Variants in RPTOR observed in about 807,000 individuals in gnomAD.
RPTOR encodes the protein regulatory associated protein of MTOR complex 1, also known as regulatory-associated protein of mTOR.
RPTOR carries 21 observed loss-of-function variants against 169.9 expected under a neutral mutation model. The observed-to-expected ratio is 0.12, with a 90% CI of 0.09 to 0.18. The LOEUF (loss-of-function observed/expected upper bound fraction) is 0.18, where lower values mean the gene tolerates loss of function less well. Ranked by LOEUF, RPTOR falls within the 10% of genes least tolerant of loss-of-function variation. The pLI is 1.00. For synonymous variants in RPTOR, 732 were observed against 753.2 expected, an observed-to-expected ratio of 0.97 and a Z score of 0.46; for missense variants, 1,133 against 1,855.9, an observed-to-expected ratio of 0.61 and a Z score of 7.16.
chr17:80,727,011 A>G (rs2066341250), intron 4 of RPTOR, among the ~76,000 whole-genome samples: 1 of 152,104 alleles, frequency 6.6e-6, no homozygotes, highest in African/African-American at 2.4e-5. Context: ...AAGCGTGCTC[A>G]AGTGCACCTC....
rs182224146 is a variant in RPTOR at position 80,639,884 on chromosome 17, A to C, written c.266-3844A>C. On this transcript the variant is annotated intron_variant, in intron 2 of 33. Coordinates refer to ENST00000306801, the MANE Select transcript of RPTOR (RefSeq NM_020761.3). ...AGAAGATGGAGAGGTTTAAAAAGAA[A>C]AAGCTGCACCCCTTCAGGTTGGCTG... 1.6e-3 allele frequency among the ~76,000 whole-genome samples: 248 copies of C among 152,332 alleles called. 2 individuals carry two copies. The highest frequency in any genetic ancestry group is 5.8e-3 in the African/African-American group (241 of 41,564).
intron 1 of RPTOR, among the ~76,000 whole-genome samples, chr17:80,621,177 G>C (rs914437379): frequency 3.3e-5 from 5 of 152,162 alleles, no homozygotes; most frequent in African/African-American, 1.2e-4. Context: ...GGTGAGTCAG[G>C]AAGACCACAC....
intron 20 of RPTOR, among the ~76,000 whole-genome samples, chr17:80,903,241 C>G (rs531363521): frequency 1.3e-5 from 2 of 152,370 alleles, no homozygotes; most frequent in East Asian, 3.9e-4. Context: ...GAGCCAGAAG[C>G]CCCGCAGGCC....
At chr17:80,816,851 C>T (rs1386201198) in intron 7 of RPTOR, among the ~76,000 whole-genome samples, 1 of 152,198 alleles carries the variant, frequency 6.6e-6, no homozygotes, top group Non-Finnish European at 1.5e-5. Flanking sequence ...CATAAGGCCC[C>T]AGCGGCCACT....
At chr17:80,805,097 CA>C (rs754953562) in intron 7 of RPTOR, 3 of 151,772 alleles carry the variant, frequency 2.0e-5, no homozygotes, top group African/African-American at 4.9e-5. Flanking sequence ...CAGGAAGACA[CA>C]ATTTACAACC....
chr17:80,550,081 A>G (rs1403344066), intron 1 of RPTOR, among the ~76,000 whole-genome samples: 1 of 152,066 alleles, frequency 6.6e-6, no homozygotes, highest in African/African-American at 2.4e-5. Flanking sequence ...CGGTCTTTTC[A>G]GCAAGGGTAA....
intron 1 of RPTOR, among the ~76,000 whole-genome samples, chr17:80,617,402 C>G (rs2065319915): frequency 6.6e-6 from 1 of 152,212 alleles, no homozygotes; most frequent in African/African-American, 2.4e-5. Context: ...AGTTCACCAA[C>G]AGTTGCAATC....
intron 13 of RPTOR, among the ~76,000 whole-genome samples, chr17:80,859,971 T>A (rs973848271): frequency 6.6e-6 from 1 of 151,936 alleles, no homozygotes; most frequent in Admixed American, 6.5e-5. Context: ...CACAGGGAAA[T>A]GGAAGGTCTA....
At chr17:80,700,624 G>GACGGTGATGGTAGAGATGATAGTGATA (rs2066082971) in intron 3 of RPTOR, among the ~76,000 whole-genome samples, 1 of 149,980 alleles carries the variant, frequency 6.7e-6, no homozygotes, top group East Asian at 2.0e-4. Flanking sequence ...TGGTGGTGGT[G>GACGGTGATGGTAGAGATGATAGTGATA]GTGGCGGCGA....
At chr17:80,605,100 G>T (rs946821170) in intron 1 of RPTOR, among the ~76,000 whole-genome samples, 1 of 152,170 alleles carries the variant, frequency 6.6e-6, no homozygotes, top group African/African-American at 2.4e-5. Flanking sequence ...GGCCAAGACG[G>T]TTAAGACGAT....
In RPTOR at chr17:80,947,358, G is replaced by A. The variant is rs970330268; in HGVS notation, c.3265+7G>A. On this transcript the variant is annotated splice_region_variant and intron_variant, in intron 27 of 33. Transcript: ENST00000306801. The surrounding 1 kb of genome is among the most constrained non-coding windows in gnomAD (Gnocchi z 4.4). ...CTTCTGCTGACGGCCACAGGTGAGCGGGGTTTGCACAGCCAGGATTGGAAG... is the reference window on the plus strand; with the variant it reads ...CTTCTGCTGACGGCCACAGGTGAGCAGGGTTTGCACAGCCAGGATTGGAAG... The A allele has an allele frequency of 9.6e-6, 15 of 1,557,034 alleles. No individual in the cohort carries two copies. The highest frequency in any genetic ancestry group is 7.2e-5 in the East Asian group (3 of 41,728).
intron 20 of RPTOR, among the ~76,000 whole-genome samples, chr17:80,902,371 T>TGGCCCCTGGCCC (rs1190632554): frequency 6.6e-6 from 1 of 152,236 alleles, no homozygotes; most frequent in African/African-American, 2.4e-5. Flanking sequence ...CACCCCTGGC[T>TGGCCCCTGGCCC]GGCCCCTGGC....
chr17:80,838,512 C>T (rs1182760898), intron 10 of RPTOR, among the ~76,000 whole-genome samples: 1 of 152,234 alleles, frequency 6.6e-6, no homozygotes, highest in East Asian at 1.9e-4. Flanking sequence ...TTCGCGGCAG[C>T]TCCCTAGGAC....
intron 28 of RPTOR, among the ~76,000 whole-genome samples, chr17:80,954,202 A>T (rs1598423191): frequency 6.6e-6 from 1 of 151,112 alleles, no homozygotes; most frequent in Admixed American, 6.6e-5. Context: ...GCTCACTGCA[A>T]CCTCCACCTC....
intron 21 of RPTOR, among the ~76,000 whole-genome samples, chr17:80,917,116 A>ATTTT (rs35518986): frequency 5.5e-5 from 8 of 144,856 alleles, no homozygotes; most frequent in African/African-American, 2.0e-4. Flanking sequence ...GATAGGTTTC[A>ATTTT]TTTTTTTTTT....
chr17:80,716,477 C>T (rs2066240434), intron 4 of RPTOR, among the ~76,000 whole-genome samples: 1 of 151,852 alleles, frequency 6.6e-6, no homozygotes, highest in Non-Finnish European at 1.5e-5. Context: ...AGTCTTTTGT[C>T]AGTTGTGTAG....
intron 1 of RPTOR, among the ~76,000 whole-genome samples, chr17:80,610,977 C>T (rs1397111171): frequency 2.0e-5 from 3 of 152,162 alleles, no homozygotes; most frequent in Admixed American, 2.0e-4. Context: ...CTTGTCCTTT[C>T]TTGGAAAGTA....
At chr17:80,813,476 G>A (rs114179685) in intron 7 of RPTOR, among the ~76,000 whole-genome samples, 4,789 of 152,280 alleles carry the variant, frequency 0.031, 273 homozygotes, top group African/African-American at 0.11. Flanking sequence ...CGTTCATTGA[G>A]AAGCTGGATG....
chr17:80,675,681 G>A (rs1213051811), intron 3 of RPTOR, among the ~76,000 whole-genome samples: 5 of 152,034 alleles, frequency 3.3e-5, no homozygotes, highest in Admixed American at 1.3e-4. Context: ...TCTGCTCACC[G>A]GGCTCGGGCC....
Sources: gnomAD v4.1 joint callset for allele counts (sites outside exome capture counted in the v4.1 genomes callset) on GRCh38, gnomAD v4.1.1 for gene constraint, Gnocchi (gnomAD v3.1) non-coding constraint, MANE v1.5 for transcripts, NCBI Gene and HGNC (gene_info 2026-07-23, HGNC 2026-07-21) for gene names.